The following FGF13 variants were observed in gnomAD, a reference collection of about 807,000 sequenced individuals.
FGF13 encodes the protein fibroblast growth factor 13.
FGF13 carries 2 observed loss-of-function variants against 19.5 expected under a neutral mutation model. The observed-to-expected ratio is 0.10, with a 90% CI of 0.04 to 0.32. The LOEUF is 0.32. Among genes scored for constraint, FGF13 ranks in the 10% least tolerant of loss-of-function variants. The probability of loss-of-function intolerance (pLI) is 1.00; values close to 1 mark genes in which losing one functional copy is unlikely to be tolerated. For synonymous variants in FGF13, 72 were observed against 76.9 expected, an observed-to-expected ratio of 0.94 and a Z score of 0.33; for missense variants, 113 against 192.7, an observed-to-expected ratio of 0.59 and a Z score of 2.45.
At chrX:138,888,245 C>G (rs1244973382) in intron 1 of FGF13, among the ~76,000 whole-genome samples, 1 of 112,034 alleles carries the variant, frequency 8.9e-6, no homozygotes, top group Non-Finnish European at 1.9e-5. Flanking sequence ...TATCACTTTG[C>G]AAGTCCTATT....
At chrX:139,086,972 C>T (rs1483647372) in intron 1 of FGF13, among the ~76,000 whole-genome samples, 1 of 112,409 alleles carries the variant, frequency 8.9e-6, no homozygotes, top group Non-Finnish European at 1.9e-5. Flanking sequence ...AACGTCAGAA[C>T]TGAAAAACAG....
intron 1 of FGF13, among the ~76,000 whole-genome samples, chrX:138,914,504 G>C (rs1185923215): frequency 9.0e-6 from 1 of 110,654 alleles, no homozygotes; most frequent in Non-Finnish European, 1.9e-5. Flanking sequence ...TCATGGCATG[G>C]GAAACATTCA....
chrX:138,891,852 C>T (rs775081610), intron 1 of FGF13, among the ~76,000 whole-genome samples: 1 of 110,698 alleles, frequency 9.0e-6, no homozygotes, highest in Admixed American at 9.6e-5. Context: ...ATGCTTCCTG[C>T]CCCCAAACAT....
intron 1 of FGF13, among the ~76,000 whole-genome samples, chrX:139,017,376 T>TA (rs1193252339): frequency 2.8e-5 from 3 of 107,380 alleles, no homozygotes; most frequent in Non-Finnish European, 5.8e-5. Flanking sequence ...CACAAATGTA[T>TA]ATGTACACTC....
chrX:138,732,468 T>C (rs1326666681), intron 1 of FGF13, among the ~76,000 whole-genome samples: 1 of 111,288 alleles, frequency 9.0e-6, no homozygotes, highest in Non-Finnish European at 1.9e-5. Flanking sequence ...GTATTCTGGG[T>C]GAAAGTAGCC....
At chrX:138,677,742 T>C (rs1401541882) in intron 3 of FGF13, among the ~76,000 whole-genome samples, 1 of 112,432 alleles carries the variant, frequency 8.9e-6, no homozygotes, top group Non-Finnish European at 1.9e-5. Flanking sequence ...GACTGTAAAC[T>C]AGTTCAACCA....
intron 3 of FGF13, among the ~76,000 whole-genome samples, chrX:138,660,367 T>A (rs2089479362): frequency 8.9e-6 from 1 of 112,106 alleles, no homozygotes; most frequent in Admixed American, 9.5e-5. Flanking sequence ...GTATATTGTG[T>A]TAAAATAATT....
chrX:138,709,369 C>A (rs192114297), intron 1 of FGF13, among the ~76,000 whole-genome samples: 27 of 112,156 alleles, frequency 2.4e-4, no homozygotes, highest in Non-Finnish European at 5.1e-4. Context: ...TCAGAATGAC[C>A]ACAATTTGAA....
intron 1 of FGF13, among the ~76,000 whole-genome samples, chrX:139,014,395 G>A (rs2092144272): frequency 9.0e-6 from 1 of 111,294 alleles, no homozygotes; most frequent in Non-Finnish European, 1.9e-5. Context: ...GAAAATAGCT[G>A]AATGAAAATC....
chrX:139,178,123 C>T (rs763556690), intron 1 of FGF13, among the ~76,000 whole-genome samples: 14 of 112,300 alleles, frequency 1.2e-4, no homozygotes, highest in African/African-American at 2.6e-4. Flanking sequence ...GCGTTGATCT[C>T]GCTGGGAGCT....
At chrX:138,818,065 C>A (rs188340603) in intron 3 of FGF13, among the ~76,000 whole-genome samples, 1 of 111,723 alleles carries the variant, frequency 9.0e-6, no homozygotes, top group African/African-American at 3.3e-5. Flanking sequence ...TAAGTCTTGA[C>A]ATCTCCAGTT....
At chrX:139,039,378 G>A (rs1441841649) in intron 1 of FGF13, among the ~76,000 whole-genome samples, 1 of 111,692 alleles carries the variant, frequency 9.0e-6, no homozygotes, top group Non-Finnish European at 1.9e-5. Context: ...TTGACACAGT[G>A]TCAGAAATAT....
rs185243110 is a variant in FGF13, at chrX:138,931,528, T to C, written c.-112-66878A>G. 2.8e-3 allele frequency among the ~76,000 whole-genome samples: 317 copies of C among 111,857 alleles called. 1 individual carries two copies. The highest frequency in any genetic ancestry group is 4.6e-3 in the Middle Eastern group (1 of 216). ...ACACCTCCAAGCTGAAACAAGAAAA[T>C]AAACTCATTAAAAATAGAACATGTC... On this transcript the variant is annotated intron_variant, in intron 1 of 2. Transcript: ENST00000421460.
intron 1 of FGF13, among the ~76,000 whole-genome samples, chrX:138,978,495 C>T (rs2124328097): frequency 9.0e-6 from 1 of 110,915 alleles, no homozygotes; most frequent in East Asian, 2.9e-4. Context: ...ATCTCCTGAC[C>T]TCGTGATCCG....
chrX:138,870,807 A>G (rs1311180950), intron 1 of FGF13, among the ~76,000 whole-genome samples: 1 of 112,550 alleles, frequency 8.9e-6, no homozygotes, highest in Non-Finnish European at 1.9e-5. Flanking sequence ...CCATGTGCCA[A>G]AGAGTACACA....
At chrX:138,879,714 T>C (rs1215297405) in intron 1 of FGF13, among the ~76,000 whole-genome samples, 1 of 109,380 alleles carries the variant, frequency 9.1e-6, no homozygotes, top group Non-Finnish European at 1.9e-5. Context: ...TGTGTCCATG[T>C]GTTCTCATTG....
chrX:139,053,277 T>A (rs2092308607), intron 1 of FGF13, among the ~76,000 whole-genome samples: 1 of 111,380 alleles, frequency 9.0e-6, no homozygotes, highest in South Asian at 3.8e-4. Context: ...GCAGTGGGAT[T>A]GCTGGGTCAA....
chrX:138,772,030 A>G (rs868393064), intron 3 of FGF13, among the ~76,000 whole-genome samples: 31 of 73,289 alleles, frequency 4.2e-4, no homozygotes, highest in African/African-American at 1.1e-3. Context: ...ATATATATAT[A>G]TATATATATA....
At chrX:138,700,240 T>A (rs2089933877) in intron 3 of FGF13, among the ~76,000 whole-genome samples, 1 of 111,342 alleles carries the variant, frequency 9.0e-6, no homozygotes, top group Non-Finnish European at 1.9e-5. Flanking sequence ...ACCAATTTTT[T>A]TTAACTTGCC....
Sources: gnomAD v4.1 joint callset for allele counts (sites outside exome capture counted in the v4.1 genomes callset) on GRCh38, gnomAD v4.1.1 for gene constraint, MANE v1.5 for transcripts, NCBI Gene and HGNC (gene_info 2026-07-23, HGNC 2026-07-21) for gene names.